SPECC1: variants seen among roughly 807,000 people sequenced by gnomAD.
SPECC1 encodes cytospin-B.
SPECC1 carries 62 observed loss-of-function variants against 104.1 expected under a neutral mutation model. That is an observed-to-expected ratio of 0.60 (90% CI 0.49 to 0.74). The LOEUF is 0.74. SPECC1 is among the 30% of genes least tolerant of loss of function. The pLI is 0.00. For synonymous variants in SPECC1, 513 were observed against 501.6 expected (o/e 1.02, Z -0.30); for missense variants, 1,306 against 1,310.5 (o/e 1.00, Z 0.05).
chr17:20,309,605 G>GA (rs137971908), intron 14 of SPECC1, among the ~76,000 whole-genome samples: 29,510 of 151,734 alleles, frequency 0.19, 3,063 homozygotes, highest in African/African-American at 0.26. Context: ...TTATGTCCAT[G>GA]ACTACCCAAT....
At position 20,278,222 on chromosome 17, in the gene SPECC1, A is replaced by T. The variant is rs993380133; in HGVS notation, c.2940+17928A>T. Among the ~76,000 whole-genome samples, 3 of 152,144 alleles carry T rather than the reference A, an allele frequency of 2.0e-5. No individual in the cohort carries two copies. In the South Asian group the frequency reaches 6.2e-4, roughly 32 times the overall value. ...GAAAAACGGGAAGATTAGATCCACC[A>T]TGTCCTTAAGGAAAAGAAGAGAGTG... On this transcript the variant is annotated intron_variant, in intron 12 of 14. Coordinates refer to ENST00000395527, the MANE Select transcript of SPECC1 (RefSeq NM_001243439.2).
Position 20,130,454 on chromosome 17 carries a change from G to T in SPECC1, c.283+19892G>T, listed in dbSNP as rs370370368. On this transcript the variant is annotated intron_variant, in intron 3 of 14. Coordinates refer to ENST00000395527, the MANE Select transcript of SPECC1 (RefSeq NM_001243439.2). Reference sequence around the variant, plus strand: ...AGATGCTGAGGTGGGAGGATTGTTTGAGCCTGGGAGGTCAAGTCTGCAGTG... The same window carrying T: ...AGATGCTGAGGTGGGAGGATTGTTTTAGCCTGGGAGGTCAAGTCTGCAGTG... Among the ~76,000 whole-genome samples, 11 of 152,308 alleles carry T rather than the reference G, an allele frequency of 7.2e-5. No individual in the cohort carries two copies. In the East Asian group the frequency reaches 1.5e-3, roughly 21 times the overall value.
At chr17:20,157,053 G>A (rs1165381698) in intron 3 of SPECC1, among the ~76,000 whole-genome samples, 1 of 152,142 alleles carries the variant, frequency 6.6e-6, no homozygotes, top group Non-Finnish European at 1.5e-5. Context: ...TTTTCCAAAG[G>A]CGTAATATTT....
At chr17:20,107,932 T>C (rs2048313428) in intron 2 of SPECC1, among the ~76,000 whole-genome samples, 1 of 152,174 alleles carries the variant, frequency 6.6e-6, no homozygotes, top group Non-Finnish European at 1.5e-5. Context: ...AGCCCAGGAA[T>C]TCAAGGCTGC....
At chr17:20,076,167 A>G (rs573169328) in intron 1 of SPECC1, among the ~76,000 whole-genome samples, 4 of 152,308 alleles carry the variant, frequency 2.6e-5, no homozygotes, top group South Asian at 4.1e-4. Flanking sequence ...TTATAGCATA[A>G]GGCTTTAAAA....
At chr17:20,184,670 C>G (rs1325066537) in intron 3 of SPECC1, among the ~76,000 whole-genome samples, 1 of 152,154 alleles carries the variant, frequency 6.6e-6, no homozygotes. Flanking sequence ...TAGTTTCAAA[C>G]AAGTCAGTAT....
chr17:20,195,048 G>A (rs1243997000), intron 3 of SPECC1, among the ~76,000 whole-genome samples: 4 of 152,112 alleles, frequency 2.6e-5, no homozygotes, highest in Non-Finnish European at 4.4e-5. Flanking sequence ...TATTACTTCC[G>A]TTTTTTATTG....
At chr17:20,155,811 C>G (rs928073160) in intron 3 of SPECC1, 14 of 618,622 alleles carry the variant, frequency 2.3e-5, no homozygotes, top group Middle Eastern at 1.4e-3. Flanking sequence ...GGCCTGCAGC[C>G]GGTCAGCCGG....
At chr17:20,066,551 T>G (rs1458773066) in intron 1 of SPECC1, among the ~76,000 whole-genome samples, 3 of 152,200 alleles carry the variant, frequency 2.0e-5, no homozygotes, top group African/African-American at 4.8e-5. Context: ...CATGCCATTA[T>G]AGTTGGTCAT....
chr17:20,030,085 C>T (rs9901862), intron 1 of SPECC1, among the ~76,000 whole-genome samples: 10,507 of 152,146 alleles, frequency 0.069, 986 homozygotes, highest in African/African-American at 0.21. Flanking sequence ...TGTTTAGCCT[C>T]CAGAACTGGG....
intron 12 of SPECC1, 57 bp downstream of exon 12, chr17:20,260,351 C>T (rs1293924509): frequency 2.1e-6 from 3 of 1,452,452 alleles, no homozygotes; most frequent in African/African-American, 2.8e-5. Flanking sequence ...AGTCCTGTGC[C>T]AATACATGTT....
chr17:20,049,845 T>TG (rs1429448502), intron 1 of SPECC1, among the ~76,000 whole-genome samples: 1 of 152,056 alleles, frequency 6.6e-6, no homozygotes, highest in Non-Finnish European at 1.5e-5. Context: ...TTTTTTGAGT[T>TG]GAAGTTTTGC....
intron 3 of SPECC1, among the ~76,000 whole-genome samples, chr17:20,186,026 C>T (rs1427939455): frequency 1.3e-5 from 2 of 151,940 alleles, no homozygotes; most frequent in Non-Finnish European, 2.9e-5. Flanking sequence ...TTAGTAGAGG[C>T]GGGGTTTCAC....
At chr17:20,301,582 G>A (rs2041585383) in intron 13 of SPECC1, among the ~76,000 whole-genome samples, 1 of 152,162 alleles carries the variant, frequency 6.6e-6, no homozygotes, top group South Asian at 2.1e-4. Flanking sequence ...ATTAAACTAT[G>A]TCTGACATTG....
intron 12 of SPECC1, among the ~76,000 whole-genome samples, chr17:20,293,146 A>C (rs1355069341): frequency 1.3e-5 from 2 of 152,170 alleles, no homozygotes; most frequent in Admixed American, 1.3e-4. Flanking sequence ...GCTAAGGGTC[A>C]GGCTAGCTTG....
At chr17:20,184,982 A>C (rs2035162918) in intron 3 of SPECC1, 1 of 152,264 alleles carries the variant, frequency 6.6e-6, no homozygotes, top group Non-Finnish European at 1.5e-5. Flanking sequence ...TTTTGTATTT[A>C]ACAGCGAGTG....
At chr17:20,019,709 C>T (rs945287822) in intron 1 of SPECC1, among the ~76,000 whole-genome samples, 3 of 152,128 alleles carry the variant, frequency 2.0e-5, no homozygotes, top group African/African-American at 7.2e-5. Flanking sequence ...TTTAATTAGC[C>T]ATATACAGAT....
At position 20,199,173 on chromosome 17, in the gene SPECC1, G is replaced by C. The variant is rs541212222; in HGVS notation, c.284-5160G>C. On this transcript the variant is annotated intron_variant, in intron 3 of 14. Coordinates refer to ENST00000395527, the MANE Select transcript of SPECC1 (RefSeq NM_001243439.2). The stretch of plus-strand genomic sequence containing the variant: ...CTGATTTCAGCTCACTGCACCCTTC[G>C]TCTCCTGGGTTCAAGCAATTCTCCT... 4.4e-5 allele frequency among the ~76,000 whole-genome samples: 6 copies of C among 136,296 alleles called. No homozygotes were observed. In the South Asian group the frequency reaches 1.4e-3, roughly 32 times the overall value. The allele number at this position is 136,296 out of a possible 152,430, so 89.4% of individuals were successfully genotyped here. A position where few individuals can be genotyped will look rare whatever the true frequency, so the allele number is the denominator to read the frequency against.
rs760572663 is a variant in SPECC1, at chr17:20,204,930, C to G, written c.881C>G (p.Ser294Cys). Residue 294 changes from serine to cysteine, a missense_variant, in exon 4 of 15, where the codon TCC becomes TGC. Physicochemically the swap from Ser to Cys is moderately radical, Grantham distance 112. Transcript: ENST00000395527. The stretch of plus-strand genomic sequence containing the variant: ...GGAAGCCCAACTGGAAATCAGATGT[C>G]CAGTGACATTGATGAGTATAAAAAA... ...SFGSPTGNQMSSDIDEYKKNI... is the reference protein window; with the variant it reads ...SFGSPTGNQMCSDIDEYKKNI... 16 of 1,614,070 alleles carry G rather than the reference C, an allele frequency of 9.9e-6. No individual in the cohort carries two copies. The highest frequency in any genetic ancestry group is 1.4e-5 in the Non-Finnish European group (16 of 1,180,020).
Sources: gnomAD v4.1 joint callset for allele counts (sites outside exome capture counted in the v4.1 genomes callset) on GRCh38, gnomAD v4.1.1 for gene constraint, MANE v1.5 for transcripts, NCBI Gene and HGNC (gene_info 2026-07-23, HGNC 2026-07-21) for gene names.